Variants in FCGR3A observed in about 807,000 individuals in gnomAD.
FCGR3A encodes Fc gamma receptor IIIa.
In FCGR3A, 13 loss-of-function variants were observed where a neutral mutation model predicts 24.1. The ratio of observed to expected loss-of-function variants is 0.54; its 90% CI spans 0.35 to 0.86. The LOEUF (loss-of-function observed/expected upper bound fraction) is 0.86. FCGR3A is among the 40% of genes least tolerant of loss of function. The pLI is 0.01. For synonymous variants in FCGR3A, 93 were observed against 112.2 expected (o/e 0.83, Z 1.08); for missense variants, 235 against 298.0 (o/e 0.79, Z 1.56).
Position 161,549,784 on chromosome 1 carries a change from A to C in FCGR3A, c.-48T>G, listed in dbSNP as rs1193020180. 2 of 1,613,844 alleles carry C rather than the reference A, an allele frequency of 1.2e-6. No homozygotes were observed. Among genetic ancestry groups the C allele is most frequent in the Non-Finnish European group, 1.7e-6 (2 of 1,179,892 alleles). On this transcript the variant is annotated 5_prime_UTR_variant, in exon 1 of 5. Coordinates refer to ENST00000443193, the MANE Select transcript of FCGR3A (RefSeq NM_000569.8). ...GTCACCAAAGATATCCGGAGCCCTA[A>C]AGGGACCAAACCGACTAGACAGGAG...
intron 4 of FCGR3A, 145 bp downstream of exon 4, chr1:161,544,556 G>A: frequency 2.5e-6 from 2 of 807,360 alleles, no homozygotes; most frequent in South Asian, 1.8e-5. Context: ...GACTTTTGGG[G>A]ACCTCCTGGT....
Position 161,543,098 on chromosome 1 carries a change from A to C in FCGR3A, c.679T>G (p.Phe227Val). 1.2e-6 allele frequency: 2 copies of C among 1,613,366 alleles called. No homozygotes were observed. Among genetic ancestry groups the C allele is most frequent in the South Asian group, 2.2e-5 (2 of 91,016 alleles). The change falls in exon 5 of 5, where the codon TTC becomes GTC. Residue 227 changes from phenylalanine (F) to valine (V), a missense_variant. Phe to Val is a conservative substitution (Grantham distance 50, BLOSUM62 -1). Transcript: ENST00000443193. ...LLFAVDTGLYFSVKTNIRSST... is the reference protein window; with the variant it reads ...LLFAVDTGLYVSVKTNIRSST... ...CTTCGAATGTTTGTCTTCACAGAGA[A>C]ATATAGTCCTGTGTCCACTGCAAAA...
chr1:161,550,247 G>A, upstream of FCGR3A: 1 of 431,254 alleles, frequency 2.3e-6, no homozygotes, highest in Non-Finnish European at 4.1e-6. Flanking sequence ...CACACAGAAA[G>A]TGGTCCTTTC....
chr1:161,543,167 G>T lies in FCGR3A; in HGVS notation c.610C>A (p.Pro204Thr), dbSNP rs1362721636. The change falls in exon 5 of 5, where the codon CCA becomes ACA. Residue 204 changes from proline to threonine, a missense_variant. Pro to Thr is a conservative substitution (Grantham distance 38). Transcript: ENST00000443193. ...LAVSTISSFFPPGYQVSFCLV... is the reference protein window; with the variant it reads ...LAVSTISSFFTPGYQVSFCLV... ...CAGAAAGAGACTTGGTACCCAGGTG[G>T]AAAGAATGATGAGATGGTTGACACT... The T allele has an allele frequency of 6.8e-6, 11 of 1,613,478 alleles. No homozygotes were observed. The highest frequency in any genetic ancestry group is 9.3e-6 in the Non-Finnish European group (11 of 1,179,630).
At chr1:161,547,951 T>G (rs1257917249) in intron 3 of FCGR3A, among the ~76,000 whole-genome samples, 1 of 152,306 alleles carries the variant, frequency 6.6e-6, no homozygotes, top group Admixed American at 6.5e-5. Context: ...GTGCCTGTAA[T>G]CTCAGCTACT....
chr1:161,550,734 C>G (rs1043819729), upstream of FCGR3A: 1 of 152,594 alleles, frequency 6.6e-6, no homozygotes, highest in African/African-American at 2.4e-5. Context: ...GTTACTCTCA[C>G]AATGGTCCAG....
Position 161,542,852 on chromosome 1 carries a change from T to G in FCGR3A, c.*160A>C. 1.7e-6 allele frequency: 1 copy of G among 577,144 alleles called. No individual in the cohort carries two copies. The highest frequency in any genetic ancestry group is 3.0e-6 in the Non-Finnish European group (1 of 329,802). 35.8% of individuals were successfully genotyped at this position (577,144 alleles called of 1,614,324 possible). The stretch of plus-strand genomic sequence containing the variant: ...AAGATCATGGGCTTTTCCCTTCCAC[T>G]GGAGACCAAGGAAAAGTCGAGAGTT... On this transcript the variant is annotated 3_prime_UTR_variant, in exon 5 of 5. Transcript: ENST00000443193.
upstream of FCGR3A, chr1:161,550,214 A>G (rs1677696394): frequency 6.6e-6 from 3 of 451,428 alleles, no homozygotes; most frequent in East Asian, 3.3e-5. Context: ...AGACCCATCT[A>G]TCTCCAGCTG....
In FCGR3A at chr1:161,548,526, A is replaced by G. The variant is rs1339024503; in HGVS notation, c.214T>C (p.Ser72Pro). 6.2e-7 allele frequency: 1 copy of G among 1,613,906 alleles called. No homozygotes were observed. Among genetic ancestry groups the G allele is most frequent in the Non-Finnish European group, 8.5e-7 (1 of 1,179,886 alleles). ...GTGGCAGCGTCAATGAAGTAGCTCG[A>G]GGCCTGGCTTGAGATGAGGCTCTCA... is the stretch of plus-strand genomic sequence containing the variant. ...HNESLISSQA[S>P]SYFIDAATVD... Residue 72 changes from serine (S) to proline (P), a missense_variant, in exon 3 of 5, where the codon TCG becomes CCG. Coordinates refer to ENST00000443193, the MANE Select transcript of FCGR3A (RefSeq NM_000569.8).
At chr1:161,549,975 C>T (rs1446856707), upstream of FCGR3A, 6 of 955,202 alleles carry the variant, frequency 6.3e-6, no homozygotes, top group Non-Finnish European at 4.7e-6. Flanking sequence ...TGGGTCTGCC[C>T]CCTTTACTCC....
chr1:161,549,641 C>T, intron 1 of FCGR3A, 56 bp downstream of exon 1: 1 of 1,606,680 alleles, frequency 6.2e-7, no homozygotes, highest in Non-Finnish European at 8.5e-7. Context: ...AAAGGGGTCT[C>T]TGCTGAACCC....
In FCGR3A at chr1:161,544,754, A is replaced by C; in HGVS notation, c.524T>G (p.Leu175Arg). ...TGAAGACACATTTTTACTCCCAAAA[A>C]GCCCCCTGCAGAAGTAGGAGCCGCT... The part of the protein sequence containing the change: ...KDSGSYFCRG[L>R]FGSKNVSSET... The change falls in exon 4 of 5, where the codon CTT becomes CGT. Residue 175 changes from leucine (L) to arginine (R), a missense_variant. By Grantham distance (102) the Leu-to-Arg change is moderately radical. Transcript: ENST00000443193. The C allele has an allele frequency of 6.2e-7, 1 of 1,612,266 alleles. No homozygotes were observed. The highest frequency in any genetic ancestry group is 8.5e-7 in the Non-Finnish European group (1 of 1,178,520).
rs751095452 is a variant in FCGR3A at position 161,544,918 on chromosome 1, C to T, written c.360G>A (p.Glu120=). The T allele has an allele frequency of 6.2e-7, 1 of 1,612,754 alleles. No individual in the cohort carries two copies. Among genetic ancestry groups the T allele is most frequent in the Non-Finnish European group, 8.5e-7 (1 of 1,179,130 alleles). ...GACACCTCAGGTGAATAGGGTCTTC[C>T]TCCTTGAACACCCACCGAGGGGCCT... The part of the protein sequence containing the change: ...LLQAPRWVFK[E]EDPIHLRCHS... The change falls in exon 4 of 5, where the codon GAG becomes GAA. Residue 120 remains glutamate (E), a synonymous_variant. Transcript: ENST00000443193.
intron 3 of FCGR3A, among the ~76,000 whole-genome samples, chr1:161,548,054 G>C (rs1179388181): frequency 2.0e-5 from 3 of 152,268 alleles, no homozygotes; most frequent in African/African-American, 7.2e-5. Context: ...CTGGGTGACA[G>C]AGTGATACTC....
intron 4 of FCGR3A, 111 bp downstream of exon 4, chr1:161,544,590 T>G: frequency 5.7e-6 from 7 of 1,237,550 alleles, no homozygotes; most frequent in Non-Finnish European, 7.9e-6. Context: ...GAACCACATA[T>G]GAAGAAGTGC....
chr1:161,549,755 A>C lies in FCGR3A; in HGVS notation c.-19T>G. The C allele has an allele frequency of 6.2e-7, 1 of 1,613,932 alleles. No individual in the cohort carries two copies. The highest frequency in any genetic ancestry group is 8.5e-7 in the Non-Finnish European group (1 of 1,179,910). On this transcript the variant is annotated 5_prime_UTR_variant, in exon 1 of 5. Transcript: ENST00000443193. ...GCCACATGATGCCACACTGGAGTGG[A>C]CAAGTCACCAAAGATATCCGGAGCC...
chr1:161,545,613 T>C (rs1311407474), intron 3 of FCGR3A: 2 of 152,046 alleles, frequency 1.3e-5, no homozygotes, highest in Non-Finnish European at 2.9e-5. Flanking sequence ...AGGAAATTCT[T>C]GTATCGCCAG....
At chr1:161,549,632 A>T (rs538869772) in intron 1 of FCGR3A, 65 bp downstream of exon 1, 1 of 1,600,606 alleles carries the variant, frequency 6.2e-7, no homozygotes, top group Admixed American at 1.7e-5. Context: ...GTAGCCTGAA[A>T]AGGGGTCTCT....
rs55878002 is a variant in FCGR3A, at chr1:161,543,592, TA to T, written c.578-394del. ...CTTGATTTTGATATATTTCCAAACT[TA>T]AAAAAAAAATGACCAGAATAGTTTA... On this transcript the variant is annotated intron_variant, in intron 4 of 4. Coordinates refer to ENST00000443193, the MANE Select transcript of FCGR3A (RefSeq NM_000569.8). 2.0e-3 allele frequency among the ~76,000 whole-genome samples: 295 copies of T among 148,082 alleles called. 3 individuals are homozygous for T. Among genetic ancestry groups the T allele is most frequent in the East Asian group, 0.011 (58 of 5,050 alleles).
Sources: allele counts gnomAD v4.1 joint callset (sites outside exome capture counted in the v4.1 genomes callset), GRCh38; gene constraint gnomAD v4.1.1; transcripts MANE v1.5; gene names NCBI Gene and HGNC (gene_info 2026-07-23, HGNC 2026-07-21).